The following ANO8 variants were observed in gnomAD, a reference collection of about 807,000 sequenced individuals.
The protein encoded by ANO8 is anoctamin-8.
In ANO8, 67 loss-of-function variants were observed where a neutral mutation model predicts 120.4. The ratio of observed to expected loss-of-function variants is 0.56; its 90% CI spans 0.46 to 0.68. ANO8 has a LOEUF of 0.68. ANO8 is among the 30% of genes least tolerant of loss of function. ANO8 has a pLI of 0.00. For missense variants in ANO8, 1,526 were observed against 1,737.6 expected, an observed-to-expected ratio of 0.88 and a Z score of 2.16; for synonymous variants, 727 against 759.2, an observed-to-expected ratio of 0.96 and a Z score of 0.70.
intron 17 of ANO8, among the ~76,000 whole-genome samples, 194 bp from the exon 18 acceptor site, chr19:17,324,078 G>C (rs1233583368): frequency 6.6e-6 from 1 of 152,202 alleles, no homozygotes; most frequent in Non-Finnish European, 1.5e-5. Flanking sequence ...GGCCCTGCCG[G>C]TCACAGGGGG....
At chr19:17,330,547 G>T in intron 8 of ANO8, 43 bp from the exon 9 acceptor site, 1 of 1,471,934 alleles carries the variant, frequency 6.8e-7, no homozygotes, top group South Asian at 1.4e-5. Flanking sequence ...GCTCAGAGGG[G>T]CCACCTCTGC....
chr19:17,326,379 G>A (rs1412456113), intron 16 of ANO8, among the ~76,000 whole-genome samples: 1 of 152,170 alleles, frequency 6.6e-6, no homozygotes, highest in Non-Finnish European at 1.5e-5. Flanking sequence ...GGACATGCCT[G>A]TAATCCCAGC....
intron 12 of ANO8, chr19:17,329,269 C>CA (rs1034412902): frequency 2.4e-6 from 1 of 408,388 alleles, no homozygotes; most frequent in African/African-American, 2.1e-5. Context: ...CGTGCGCCCC[C>CA]AGCCGCCTGC....
At chr19:17,329,688 G>C in intron 12 of ANO8, 69 bp downstream of exon 12, 7 of 1,288,036 alleles carry the variant, frequency 5.4e-6, no homozygotes, top group Non-Finnish European at 7.7e-6. Flanking sequence ...TGGACCCCTT[G>C]TGCCGGGTCT....
chr19:17,323,290 A>C lies in ANO8; in HGVS notation c.*227T>G, dbSNP rs939583207. Reference sequence around the variant, plus strand: ...AAAAATATGACAAAATAAATTAAAAACAAATAAATAATCGCCTGTTCTGTG... The same window carrying C: ...AAAAATATGACAAAATAAATTAAAACCAAATAAATAATCGCCTGTTCTGTG... On this transcript the variant is annotated 3_prime_UTR_variant, in exon 18 of 18. Coordinates refer to ENST00000159087, the MANE Select transcript of ANO8 (RefSeq NM_020959.3). 3.0e-6 allele frequency: 1 copy of C among 334,474 alleles called. No individual in the cohort carries two copies. The highest frequency in any genetic ancestry group is 5.4e-6 in the Non-Finnish European group (1 of 185,696). The allele number at this position is 334,474 out of a possible 1,614,324, so 20.7% of individuals were successfully genotyped here.
intron 16 of ANO8, among the ~76,000 whole-genome samples, chr19:17,325,601 G>A (rs565032836): frequency 1.3e-5 from 2 of 152,358 alleles, no homozygotes; most frequent in African/African-American, 4.8e-5. Context: ...CCAGATACAT[G>A]ATCAGCCTCT....
chr19:17,330,871 T>A lies in ANO8; in HGVS notation c.950A>T (p.Asp317Val). 4 of 1,613,984 alleles carry A rather than the reference T, an allele frequency of 2.5e-6. No individual in the cohort carries two copies. Among genetic ancestry groups the A allele is most frequent in the Non-Finnish European group, 3.4e-6 (4 of 1,179,988 alleles). ...CTCCTCCACGGCTTCCCCAGGTGAG[T>A]CCAGCGTCCCCCACTTATATGCCAG... The part of the protein sequence containing the change: ...AELAYKWGTL[D>V]SPGEAVEEPR... Residue 317 changes from aspartate to valine, a missense_variant, in exon 8 of 18, where the codon GAC becomes GTC. By Grantham distance (152) the Asp-to-Val change is radical (BLOSUM62 -3). This residue lies in a region of ANO8 where 322 missense variants were observed against 431.8 expected (regional missense o/e 0.75). Coordinates refer to ENST00000159087, the MANE Select transcript of ANO8 (RefSeq NM_020959.3).
At position 17,328,389 on chromosome 19, in the gene ANO8, G is replaced by A. The variant is rs746118960; in HGVS notation, c.1999C>T (p.Pro667Ser). 21 of 1,572,960 alleles carry A rather than the reference G, an allele frequency of 1.3e-5. No individual in the cohort carries two copies. The highest frequency in any genetic ancestry group is 1.7e-5 in the Non-Finnish European group (20 of 1,164,252). The stretch of plus-strand genomic sequence containing the variant: ...GGGGGCTCCCGTTCAGGGCTGCCGG[G>A]AGCCCCCTCCGCCTCGTCGTCCTCC... ...AEEDDEAEGA[P>S]GSPEREPPAI... Residue 667 changes from proline to serine, a missense_variant, in exon 13 of 18, where the codon CCC (proline) becomes TCC (serine). By Grantham distance (74) the Pro-to-Ser change is moderately conservative. Around this residue, in one of 8 missense-constraint regions of ANO8, gnomAD observed 467 missense variants for 425.8 expected, o/e 1.10. Coordinates refer to ENST00000159087, the MANE Select transcript of ANO8 (RefSeq NM_020959.3).
rs1568360135 is a variant in ANO8, at chr19:17,328,612, G to A, written c.1776C>T (p.Asp592=). 2.0e-6 allele frequency: 3 copies of A among 1,538,328 alleles called. No individual in the cohort carries two copies. The highest frequency in any genetic ancestry group is 2.8e-5 in the African/African-American group (2 of 72,186). ...EEDEDDEEEE[D]EEEEEDEEEG... ...CCTCCTCGTCCTCCTCTTCCTCCTC[G>A]TCCTCCTCCTCCTCGTCGTCCTCGT... Residue 592 remains aspartate, a synonymous_variant, in exon 13 of 18, where the codon GAC becomes GAT. Transcript: ENST00000159087.
At position 17,333,472 on chromosome 19, in the gene ANO8, G is replaced by A; in HGVS notation, c.300C>T (p.His100=). ...GIPELIVQVR[H]HRHTRAYAFF... ...AGGCGTAGGCACGCGTGTGGCGGTG[G>A]TGGCGGACTTGCACGATGAGCTCGG... Residue 100 remains histidine, a synonymous_variant, in exon 3 of 18, where the codon CAC becomes CAT. Coordinates refer to ENST00000159087, the MANE Select transcript of ANO8 (RefSeq NM_020959.3). This position sits in a 1 kb window ranked among gnomAD's most constrained non-coding sequence, Gnocchi z 7.2. 6.2e-7 allele frequency: 1 copy of A among 1,613,344 alleles called. No individual in the cohort carries two copies. The highest frequency in any genetic ancestry group is 2.2e-5 in the East Asian group (1 of 44,898).
intron 1 of ANO8, among the ~76,000 whole-genome samples, 176 bp downstream of exon 1, chr19:17,334,388 GC>G (rs1252747039): frequency 6.6e-6 from 1 of 152,152 alleles, no homozygotes; most frequent in African/African-American, 2.4e-5. Context: ...CGGGACCCCA[GC>G]CCGAAGCACC....
chr19:17,326,054 C>T (rs764723499), intron 16 of ANO8, among the ~76,000 whole-genome samples: 4 of 152,316 alleles, frequency 2.6e-5, no homozygotes, highest in Non-Finnish European at 2.9e-5. Context: ...CCTGGACCCA[C>T]GCCGGTACTT....
At chr19:17,327,147 C>A in intron 16 of ANO8, 88 bp downstream of exon 16, 2 of 1,150,558 alleles carry the variant, frequency 1.7e-6, no homozygotes, top group South Asian at 3.0e-5. Flanking sequence ...TCTGCATTTG[C>A]CCTTACGCTA....
Position 17,324,699 on chromosome 19 carries a change from CGA to C in ANO8, c.3331+16_3331+17del. On this transcript the variant is annotated intron_variant, in intron 17 of 17. Coordinates refer to ENST00000159087, the MANE Select transcript of ANO8 (RefSeq NM_020959.3). Reference sequence around the variant, plus strand: ...AAAGCCGGCCCGGCGTCCCCACCCCCGAGTTAAAGCTTGTGACCTGAGCCTTC... The same window carrying C: ...AAAGCCGGCCCGGCGTCCCCACCCCCGTTAAAGCTTGTGACCTGAGCCTTC... 7.9e-6 allele frequency: 12 copies of C among 1,516,052 alleles called. No homozygotes were observed. Among genetic ancestry groups the C allele is most frequent in the Non-Finnish European group, 1.1e-5 (12 of 1,134,054 alleles). 93.9% of individuals were successfully genotyped at this position (1,516,052 alleles called of 1,614,324 possible). A position where few individuals can be genotyped will look rare whatever the true frequency, so the allele number is the denominator to read the frequency against.
intron 8 of ANO8, 68 bp from the exon 9 acceptor site, chr19:17,330,572 C>T: frequency 6.9e-7 from 1 of 1,453,862 alleles, no homozygotes. Flanking sequence ...TGCACCCCTC[C>T]CTATCCTCAG....
chr19:17,334,511 C>G (rs1191344469), intron 1 of ANO8, 54 bp downstream of exon 1: 1 of 1,413,218 alleles, frequency 7.1e-7, no homozygotes, highest in Non-Finnish European at 9.5e-7. Context: ...GTGTAGTTGA[C>G]GCGGGCTCCC....
Position 17,323,311 on chromosome 19 carries a change from C to CTGTGTGTGTGTGTGTG in ANO8, c.*190_*205dup, listed in dbSNP as rs58263758. The CTGTGTGTGTGTGTGTG allele has an allele frequency of 2.0e-3, 645 of 327,504 alleles. 1 individual carries two copies. The highest frequency in any genetic ancestry group is 2.7e-3 in the Non-Finnish European group (487 of 180,372). The allele number at this position is 327,504 out of a possible 1,614,324, so 20.3% of individuals were successfully genotyped here. A position where few individuals can be genotyped will look rare whatever the true frequency, so the allele number is the denominator to read the frequency against. On this transcript the variant is annotated 3_prime_UTR_variant, in exon 18 of 18. Transcript: ENST00000159087. Reference sequence around the variant, plus strand: ...AAAAACAAATAAATAATCGCCTGTTCTGTGTGTGTGTGTGTGTGTGTGTGT... The same window carrying CTGTGTGTGTGTGTGTG: ...AAAAACAAATAAATAATCGCCTGTTCTGTGTGTGTGTGTGTGTGTGTGTGTGTGTGTGTGTGTGTGT...
chr19:17,325,977 C>CCA (rs1329093306), intron 16 of ANO8, among the ~76,000 whole-genome samples: 1 of 152,138 alleles, frequency 6.6e-6, no homozygotes, highest in Non-Finnish European at 1.5e-5. Context: ...ATCTCTGGGC[C>CCA]CACACTGAGG....
chr19:17,331,498 G>C, intron 5 of ANO8, 87 bp from the exon 6 acceptor site: 1 of 1,195,754 alleles, frequency 8.4e-7, no homozygotes, highest in South Asian at 1.2e-5. Flanking sequence ...CCAAGTCACA[G>C]CTTTTTGCCT....
Sources: allele counts gnomAD v4.1 joint callset (sites outside exome capture counted in the v4.1 genomes callset), GRCh38; gene constraint gnomAD v4.1.1; regional missense constraint gnomAD v4.1.1; non-coding constraint Gnocchi (gnomAD v3.1); transcripts MANE v1.5; gene names NCBI Gene and HGNC (gene_info 2026-07-23, HGNC 2026-07-21).